The following NRG3 variants were observed in gnomAD, a reference collection of about 807,000 sequenced individuals.
NRG3 encodes pro-neuregulin-3, membrane-bound isoform.
In NRG3, 31 loss-of-function variants were observed where a neutral mutation model predicts 66.9. The ratio of observed to expected loss-of-function variants is 0.46; its 90% CI spans 0.35 to 0.63. The LOEUF (loss-of-function observed/expected upper bound fraction) is 0.63, where lower values mean the gene tolerates loss of function less well. Ranked by LOEUF, NRG3 falls within the 20% of genes least tolerant of loss-of-function variation. NRG3 has a pLI of 0.00. For missense variants in NRG3, 910 were observed against 878.9 expected (o/e 1.04, Z -0.45); for synonymous variants, 393 against 359.4 (o/e 1.09, Z -1.06).
At chr10:82,048,337 A>G (rs901545455) in intron 1 of NRG3, among the ~76,000 whole-genome samples, 33 of 151,990 alleles carry the variant, frequency 2.2e-4, no homozygotes, top group East Asian at 9.7e-4. Context: ...AAAATTGACC[A>G]CATAGTTGGA....
At chr10:82,715,521 A>G (rs771433147) in intron 2 of NRG3, among the ~76,000 whole-genome samples, 2 of 152,192 alleles carry the variant, frequency 1.3e-5, no homozygotes, top group Non-Finnish European at 1.5e-5. Flanking sequence ...ATGATTTTCA[A>G]ATACATATTT....
chr10:82,059,672 TC>T (rs2064032564), intron 1 of NRG3, among the ~76,000 whole-genome samples: 1 of 152,172 alleles, frequency 6.6e-6, no homozygotes. Context: ...CGGCGCTATG[TC>T]AGTGCCTCTC....
intron 3 of NRG3, among the ~76,000 whole-genome samples, chr10:82,823,665 G>C (rs1208594760): frequency 6.6e-6 from 1 of 152,018 alleles, no homozygotes; most frequent in African/African-American, 2.4e-5. Flanking sequence ...GCGGAGGAGA[G>C]CTGACACAGG....
chr10:82,867,197 G>A (rs928849253), intron 4 of NRG3, among the ~76,000 whole-genome samples: 8 of 152,094 alleles, frequency 5.3e-5, no homozygotes, highest in African/African-American at 1.9e-4. Context: ...GGTAGCAAAT[G>A]ACTAGTTTTA....
intron 2 of NRG3, among the ~76,000 whole-genome samples, chr10:82,521,153 C>T (rs1296406696): frequency 1.3e-5 from 2 of 152,148 alleles, no homozygotes; most frequent in Non-Finnish European, 2.9e-5. Context: ...ACTATACTGT[C>T]GTTTATTAAA....
At chr10:82,730,431 A>G (rs1051901370) in intron 2 of NRG3, among the ~76,000 whole-genome samples, 1 of 152,194 alleles carries the variant, frequency 6.6e-6, no homozygotes, top group African/African-American at 2.4e-5. Context: ...ATTAGCAAGA[A>G]ACGTCAGAGT....
chr10:81,877,163 T>C (rs1318134635), intron 1 of NRG3, among the ~76,000 whole-genome samples: 1 of 152,222 alleles, frequency 6.6e-6, no homozygotes, highest in Non-Finnish European at 1.5e-5. Context: ...TGTTTATTTG[T>C]ATAGAAAGTG....
intron 1 of NRG3, among the ~76,000 whole-genome samples, chr10:81,971,215 G>A (rs1472694094): frequency 1.3e-5 from 2 of 152,166 alleles, no homozygotes; most frequent in Non-Finnish European, 2.9e-5. Context: ...AGCTTCATGC[G>A]CTTCTTTGTA....
At chr10:82,940,691 C>T (rs1848507061) in intron 4 of NRG3, among the ~76,000 whole-genome samples, 1 of 152,138 alleles carries the variant, frequency 6.6e-6, no homozygotes, top group African/African-American at 2.4e-5. Context: ...AGCTCAGTCT[C>T]TGCTTCATAA....
intron 2 of NRG3, among the ~76,000 whole-genome samples, chr10:82,652,933 C>G (rs2051546285): frequency 6.6e-6 from 1 of 152,052 alleles, no homozygotes; most frequent in Non-Finnish European, 1.5e-5. Flanking sequence ...TAATACAGCC[C>G]CCAAAATGTT....
intron 1 of NRG3, among the ~76,000 whole-genome samples, chr10:82,177,308 G>C (rs2073107096): frequency 6.6e-6 from 1 of 151,894 alleles, no homozygotes; most frequent in African/African-American, 2.4e-5. Context: ...TTTCTACAAA[G>C]GGTTTGTGAT....
intron 3 of NRG3, among the ~76,000 whole-genome samples, chr10:82,744,960 T>C (rs2058583388): frequency 6.6e-6 from 1 of 152,150 alleles, no homozygotes; most frequent in Non-Finnish European, 1.5e-5. Context: ...TACAAGGCAC[T>C]GAGACAGGTG....
At chr10:82,484,095 A>G (rs141692043) in intron 2 of NRG3, among the ~76,000 whole-genome samples, 248 of 152,326 alleles carry the variant, frequency 1.6e-3, no homozygotes, top group Middle Eastern at 0.01. Flanking sequence ...TTGCAATAAA[A>G]CAGTGTAATG....
chr10:82,466,016 G>A (rs996991485), intron 2 of NRG3, among the ~76,000 whole-genome samples: 2 of 152,168 alleles, frequency 1.3e-5, no homozygotes, highest in East Asian at 3.9e-4. Flanking sequence ...ACTCATGCCT[G>A]TTTAGATTGA....
At chr10:81,982,098 C>T (rs2060350772) in intron 1 of NRG3, among the ~76,000 whole-genome samples, 1 of 152,246 alleles carries the variant, frequency 6.6e-6, no homozygotes, top group African/African-American at 2.4e-5. Context: ...TCAATAATCT[C>T]TTTCCTCTTG....
At chr10:82,901,431 G>C (rs1428132588) in intron 4 of NRG3, among the ~76,000 whole-genome samples, 1 of 151,846 alleles carries the variant, frequency 6.6e-6, no homozygotes, top group Non-Finnish European at 1.5e-5. Flanking sequence ...ATTATGAAGG[G>C]ACAAAAGGAT....
chr10:81,966,954 C>T (rs1589626546), intron 1 of NRG3, among the ~76,000 whole-genome samples: 1 of 143,342 alleles, frequency 7.0e-6, no homozygotes, highest in South Asian at 2.1e-4. Context: ...TATATTTGTT[C>T]TCTCTCTTTA....
At chr10:82,936,272 C>T (rs1402965952) in intron 4 of NRG3, among the ~76,000 whole-genome samples, 1 of 152,096 alleles carries the variant, frequency 6.6e-6, no homozygotes, top group African/African-American at 2.4e-5. Context: ...TTCAGCAAGA[C>T]CATGTGCAAG....
chr10:82,169,758 A>T (rs1240704238), intron 1 of NRG3, among the ~76,000 whole-genome samples: 2 of 151,498 alleles, frequency 1.3e-5, no homozygotes, highest in Non-Finnish European at 2.9e-5. Flanking sequence ...TCTATTAAAG[A>T]TTATGTGTAG....
Sources: gnomAD v4.1 joint callset for allele counts (sites outside exome capture counted in the v4.1 genomes callset) on GRCh38, gnomAD v4.1.1 for gene constraint, MANE v1.5 for transcripts, NCBI Gene and HGNC (gene_info 2026-07-23, HGNC 2026-07-21) for gene names.